BLOC1S5: variants seen among roughly 807,000 people sequenced by gnomAD.
The protein encoded by BLOC1S5 is biogenesis of lysosome-related organelles complex 1 subunit 5.
A neutral mutation model predicts 24.3 loss-of-function variants in BLOC1S5; 27 were observed. The observed-to-expected ratio is 1.11, with a 90% CI of 0.82 to 1.53. The LOEUF is 1.53. Ranked by LOEUF, BLOC1S5 falls within the 40% of genes most tolerant of loss-of-function variation. The probability of loss-of-function intolerance (pLI) is 0.00; values close to 1 mark genes in which losing one functional copy is unlikely to be tolerated. For synonymous variants in BLOC1S5, 84 were observed against 74.5 expected, an observed-to-expected ratio of 1.13 and a Z score of -0.66; for missense variants, 239 against 229.4, an observed-to-expected ratio of 1.04 and a Z score of -0.27.
intron 2 of BLOC1S5, among the ~76,000 whole-genome samples, chr6:8,046,527 C>T (rs1451773161): frequency 6.6e-6 from 1 of 151,970 alleles, no homozygotes; most frequent in East Asian, 1.9e-4. Context: ...TTGAGCCATT[C>T]TTATAAGGCC....
At chr6:8,035,205 G>A (rs898806237) in intron 3 of BLOC1S5, among the ~76,000 whole-genome samples, 1 of 151,948 alleles carries the variant, frequency 6.6e-6, no homozygotes, top group African/African-American at 2.4e-5. Context: ...AAGGATAGGA[G>A]GGAGGTAAAG....
intron 3 of BLOC1S5, among the ~76,000 whole-genome samples, chr6:8,031,308 A>G (rs1354553009): frequency 6.6e-6 from 1 of 152,226 alleles, no homozygotes; most frequent in African/African-American, 2.4e-5. Flanking sequence ...ATGTACACAA[A>G]TCAGGAGCAC....
At chr6:8,057,061 A>G (rs1258499728) in intron 2 of BLOC1S5, among the ~76,000 whole-genome samples, 7 of 152,128 alleles carry the variant, frequency 4.6e-5, no homozygotes, top group African/African-American at 1.7e-4. Flanking sequence ...CTACTAAAAA[A>G]ATACAAAATT....
intron 2 of BLOC1S5, among the ~76,000 whole-genome samples, chr6:8,058,357 G>GA (rs60827828): frequency 0.028 from 2,389 of 84,238 alleles, 424 homozygotes; most frequent in East Asian, 0.075. Context: ...CTGTCTCTAT[G>GA]AAAAAAAAAA....
chr6:8,017,385 A>AACACAC (rs59166291), intron 4 of BLOC1S5, among the ~76,000 whole-genome samples: 2,422 of 149,580 alleles, frequency 0.016, 27 homozygotes, highest in African/African-American at 0.026. Context: ...CTCAAAAACA[A>AACACAC]ACACACACAC....
intron 2 of BLOC1S5, among the ~76,000 whole-genome samples, chr6:8,046,870 G>T (rs1051532117): frequency 4.0e-5 from 6 of 151,806 alleles, no homozygotes; most frequent in African/African-American, 1.5e-4. Context: ...TGAACTCCTG[G>T]GCTCAAGCAA....
At chr6:8,039,504 T>TA (rs1225865498) in intron 3 of BLOC1S5, among the ~76,000 whole-genome samples, 1 of 152,210 alleles carries the variant, frequency 6.6e-6, no homozygotes, top group African/African-American at 2.4e-5. Flanking sequence ...TGAATTACAC[T>TA]AATTTGGTCT....
chr6:8,031,644 A>G (rs2113540215), intron 3 of BLOC1S5, among the ~76,000 whole-genome samples: 1 of 152,348 alleles, frequency 6.6e-6, no homozygotes, highest in South Asian at 2.1e-4. Flanking sequence ...GTACCAAAAA[A>G]GAGCCCACAT....
intron 4 of BLOC1S5, among the ~76,000 whole-genome samples, chr6:8,019,417 C>T (rs566393165): frequency 6.6e-6 from 1 of 152,092 alleles, no homozygotes; most frequent in African/African-American, 2.4e-5. Flanking sequence ...TACAGGCAAC[C>T]ACCACCACAC....
At chr6:8,062,458 T>C (rs1285590995) in intron 2 of BLOC1S5, 76 bp downstream of exon 2, 3 of 889,920 alleles carry the variant, frequency 3.4e-6, no homozygotes, top group Non-Finnish European at 5.1e-6. Context: ...ATTTTAAAAC[T>C]GGGGAATTTC....
At chr6:8,021,689 C>T (rs550981161) in intron 4 of BLOC1S5, among the ~76,000 whole-genome samples, 5 of 152,102 alleles carry the variant, frequency 3.3e-5, no homozygotes, top group African/African-American at 1.2e-4. Context: ...ATAGATAATG[C>T]CACTGAAATG....
intron 2 of BLOC1S5, among the ~76,000 whole-genome samples, chr6:8,050,566 C>A (rs939942357): frequency 5.3e-5 from 8 of 151,694 alleles, no homozygotes; most frequent in Non-Finnish European, 8.8e-5. Flanking sequence ...GCCTTTTGCA[C>A]CAGATATTTA....
chr6:8,052,764 G>A (rs970332357), intron 2 of BLOC1S5, among the ~76,000 whole-genome samples: 4 of 151,990 alleles, frequency 2.6e-5, no homozygotes, highest in African/African-American at 7.2e-5. Context: ...GCACAGTGGC[G>A]GGTGCCTGTA....
intron 3 of BLOC1S5, among the ~76,000 whole-genome samples, chr6:8,039,041 C>T (rs1763592638): frequency 6.6e-6 from 1 of 152,150 alleles, no homozygotes. Flanking sequence ...AATATGGAAC[C>T]AACCTAAATT....
chr6:8,044,071 T>A (rs1737067053), intron 2 of BLOC1S5, among the ~76,000 whole-genome samples: 1 of 151,934 alleles, frequency 6.6e-6, no homozygotes, highest in Non-Finnish European at 1.5e-5. Flanking sequence ...ATCATGAGGT[T>A]AGGAGTTTGA....
At chr6:8,059,473 C>G (rs1362349187) in intron 2 of BLOC1S5, among the ~76,000 whole-genome samples, 1 of 152,110 alleles carries the variant, frequency 6.6e-6, no homozygotes, top group Non-Finnish European at 1.5e-5. Context: ...TTAAAGTAAC[C>G]TACATTCAAA....
chr6:8,064,146 C>T lies in BLOC1S5; in HGVS notation c.112+119G>A, dbSNP rs149994481. Reference sequence around the variant, plus strand: ...CGGGGACCGACCACGACTCCCCCACCCGCACAAACGCACGCGCGCCAGCCC... The same window carrying T: ...CGGGGACCGACCACGACTCCCCCACTCGCACAAACGCACGCGCGCCAGCCC... On this transcript the variant is annotated intron_variant, in intron 1 of 4. Coordinates refer to ENST00000397457, the MANE Select transcript of BLOC1S5 (RefSeq NM_201280.3). 4.8e-4 allele frequency: 379 copies of T among 787,312 alleles called. 1 individual carries two copies. The African/African-American group carries it at 5.9e-3, about 12-fold the overall frequency. The allele number at this position is 787,312 out of a possible 1,614,324, so 48.8% of individuals were successfully genotyped here.
At chr6:8,037,161 G>A (rs1270091851) in intron 3 of BLOC1S5, among the ~76,000 whole-genome samples, 2 of 152,132 alleles carry the variant, frequency 1.3e-5, no homozygotes, top group Admixed American at 6.5e-5. Flanking sequence ...AAGGGCACAC[G>A]AATTGGAAAG....
At chr6:8,062,058 G>A (rs1340545964) in intron 2 of BLOC1S5, among the ~76,000 whole-genome samples, 4 of 152,300 alleles carry the variant, frequency 2.6e-5, no homozygotes, top group Admixed American at 6.5e-5. Flanking sequence ...AGAAAGAATC[G>A]ACATTTATGA....
Sources: gnomAD v4.1 joint callset for allele counts (sites outside exome capture counted in the v4.1 genomes callset) on GRCh38, gnomAD v4.1.1 for gene constraint, MANE v1.5 for transcripts, NCBI Gene and HGNC (gene_info 2026-07-23, HGNC 2026-07-21) for gene names.